Variants in WWC2 observed in about 807,000 individuals in gnomAD.
The protein encoded by WWC2 is protein WWC2.
Under a neutral mutation model 138.5 loss-of-function variants are expected in WWC2, and 101 were observed. The ratio of observed to expected loss-of-function variants is 0.73; its 90% CI spans 0.62 to 0.86. The LOEUF is 0.86. WWC2 is among the 40% of genes least tolerant of loss of function. The pLI, the probability that WWC2 is intolerant of heterozygous loss-of-function variation, is 0.00. For synonymous variants in WWC2, 558 were observed against 538.4 expected (o/e 1.04, Z -0.50); for missense variants, 1,420 against 1,419.4 (o/e 1.00, Z -0.01).
In WWC2 at chr4:183,289,560, G is replaced by C; in HGVS notation, c.3309G>C (p.Gln1103His). The change falls in exon 21 of 23, where the codon CAG (glutamine) becomes CAC (histidine). Residue 1103 changes from glutamine to histidine, a missense_variant. Physicochemically the swap from Gln to His is conservative, Grantham distance 24. Transcript: ENST00000403733. ...LRQKLEELKA[Q>H]GETDLPPGVL... ...AGAAGCTGGAGGAACTGAAAGCTCA[G>C]GGAGAGACTGACCTTCCACCAGGCG... 6.2e-7 allele frequency: 1 copy of C among 1,613,984 alleles called. No individual in the cohort carries two copies. The highest frequency in any genetic ancestry group is 8.5e-7 in the Non-Finnish European group (1 of 1,179,886).
Position 183,253,972 on chromosome 4 carries a change from G to T in WWC2, c.1169G>T (p.Gly390Val). 1 of 1,613,772 alleles carries T rather than the reference G, an allele frequency of 6.2e-7. No individual in the cohort carries two copies. The highest frequency in any genetic ancestry group is 8.5e-7 in the Non-Finnish European group (1 of 1,179,820). ...GAAGAAGAGTTGCTGTCTGTGAGGG[G>T]AACACCAAGCAGAGCTCTGGCCGAG... ...RLEEELLSVR[G>V]TPSRALAERL... is the part of the protein sequence containing the mutation. The change falls in exon 9 of 23, where the codon GGA (glycine) becomes GTA (valine). Residue 390 changes from glycine (G) to valine (V), a missense_variant. Coordinates refer to ENST00000403733, the MANE Select transcript of WWC2 (RefSeq NM_024949.6).
intron 1 of WWC2, among the ~76,000 whole-genome samples, chr4:183,187,488 G>T (rs1734841718): frequency 6.6e-6 from 1 of 151,274 alleles, no homozygotes; most frequent in Admixed American, 6.6e-5. Flanking sequence ...GGGAGGCGGA[G>T]GTTGCAATGA....
At chr4:183,228,116 A>C (rs1285387475) in intron 4 of WWC2, among the ~76,000 whole-genome samples, 2 of 152,098 alleles carry the variant, frequency 1.3e-5, no homozygotes, top group Non-Finnish European at 2.9e-5. Flanking sequence ...AAGGACGGGA[A>C]GAAAAAGATA....
Position 183,279,376 on chromosome 4 carries a change from G to T in WWC2, c.2563-1400G>T, listed in dbSNP as rs1446348947. Among the ~76,000 whole-genome samples, 5 of 151,932 alleles carry T rather than the reference G, an allele frequency of 3.3e-5. No individual in the cohort carries two copies. In the East Asian group the frequency reaches 9.7e-4, roughly 29 times the overall value. On this transcript the variant is annotated intron_variant, in intron 16 of 22. Coordinates refer to ENST00000403733, the MANE Select transcript of WWC2 (RefSeq NM_024949.6). Reference sequence around the variant, plus strand: ...TTTGATGTGCTGCTGGATTCGTTTTGCCAGTATTTTATTGAGGATTTTTGG... The same window carrying T: ...TTTGATGTGCTGCTGGATTCGTTTTTCCAGTATTTTATTGAGGATTTTTGG...
At chr4:183,279,616 T>C (rs373975606) in intron 16 of WWC2, among the ~76,000 whole-genome samples, 12 of 152,080 alleles carry the variant, frequency 7.9e-5, no homozygotes, top group African/African-American at 2.9e-4. Flanking sequence ...TGGACTCTTT[T>C]TGGTTGGTAA....
intron 1 of WWC2, among the ~76,000 whole-genome samples, chr4:183,162,919 G>A (rs868681182): frequency 5.9e-5 from 9 of 152,112 alleles, no homozygotes; most frequent in African/African-American, 1.9e-4. Flanking sequence ...TCCAAGAAGT[G>A]CCTTTATTTC....
At chr4:183,263,368 C>G (rs1737397745) in intron 11 of WWC2, among the ~76,000 whole-genome samples, 2 of 152,170 alleles carry the variant, frequency 1.3e-5, no homozygotes, top group Admixed American at 1.3e-4. Context: ...TCTGGGAGTC[C>G]TGTCTTGCAA....
chr4:183,315,631 A>G (rs760006996), intron 22 of WWC2, 32 bp from the exon 23 acceptor site: 10 of 1,576,180 alleles, frequency 6.3e-6, no homozygotes, highest in African/African-American at 4.1e-5. Flanking sequence ...AGCATCATAT[A>G]TAAGTCAATT....
chr4:183,235,030 AAAC>A (rs1736373166), intron 4 of WWC2, among the ~76,000 whole-genome samples: 1 of 152,234 alleles, frequency 6.6e-6, no homozygotes, highest in Non-Finnish European at 1.5e-5. Context: ...GATAAAACCA[AAAC>A]AACTAGAAAT....
chr4:183,204,147 G>A (rs1169117593), intron 2 of WWC2, among the ~76,000 whole-genome samples: 2 of 152,200 alleles, frequency 1.3e-5, no homozygotes, highest in African/African-American at 4.8e-5. Flanking sequence ...GATTGTGGTG[G>A]CTCTAAAGTA....
intron 1 of WWC2, among the ~76,000 whole-genome samples, chr4:183,151,546 A>G (rs1457800999): frequency 6.6e-6 from 1 of 152,146 alleles, no homozygotes. Context: ...TAGTTTAGTT[A>G]GATCCCGTTT....
At chr4:183,117,656 G>C (rs114361856) in intron 1 of WWC2, among the ~76,000 whole-genome samples, 1 of 150,820 alleles carries the variant, frequency 6.6e-6, no homozygotes, top group Non-Finnish European at 1.5e-5. Context: ...ACTGAGACAA[G>C]GTCTCATCTC....
chr4:183,280,863 G>A lies in WWC2; in HGVS notation c.2650G>A (p.Gly884Arg). The A allele has an allele frequency of 6.3e-7, 1 of 1,585,258 alleles. No individual in the cohort carries two copies. Among genetic ancestry groups the A allele is most frequent in the African/African-American group, 1.3e-5 (1 of 74,564 alleles). Residue 884 changes from glycine (G) to arginine (R), a missense_variant, in exon 17 of 23, where the codon GGA becomes AGA. Gly to Arg is a moderately radical substitution (Grantham distance 125). Coordinates refer to ENST00000403733, the MANE Select transcript of WWC2 (RefSeq NM_024949.6). Reference sequence around the variant, plus strand: ...AGCACAAGAAGAAGAAGAAGAATCAGGACAAGAAGAGCCAAGGGGCCCAGA... The same window carrying A: ...AGCACAAGAAGAAGAAGAAGAATCAAGACAAGAAGAGCCAAGGGGCCCAGA... ...ELAQEEEEES[G>R]QEEPRGPDGD...
intron 4 of WWC2, among the ~76,000 whole-genome samples, chr4:183,231,051 A>G (rs1736230418): frequency 1.3e-5 from 2 of 152,168 alleles, no homozygotes; most frequent in Admixed American, 1.3e-4. Context: ...ACAAGATTGT[A>G]TGAACAAAAT....
intron 14 of WWC2, 25 bp from the exon 15 acceptor site, chr4:183,268,945 AT>A: frequency 5.0e-6 from 8 of 1,587,196 alleles, no homozygotes; most frequent in Non-Finnish European, 6.9e-6. Flanking sequence ...TACCTATGAA[AT>A]CCATTTTATT....
At chr4:183,225,733 T>C (rs138354731) in intron 4 of WWC2, among the ~76,000 whole-genome samples, 1,536 of 152,366 alleles carry the variant, frequency 0.01, 8 homozygotes, top group Non-Finnish European at 0.015. Context: ...ACACAAGTGA[T>C]GTAGCAGAGA....
intron 1 of WWC2, among the ~76,000 whole-genome samples, chr4:183,163,766 T>C (rs1465081595): frequency 6.6e-6 from 1 of 152,148 alleles, no homozygotes; most frequent in Admixed American, 6.6e-5. Flanking sequence ...GTTTCAATTT[T>C]GTGAAGAGAT....
chr4:183,244,213 C>T (rs1321637070), intron 5 of WWC2, among the ~76,000 whole-genome samples: 2 of 152,092 alleles, frequency 1.3e-5, no homozygotes, highest in African/African-American at 2.4e-5. Context: ...AAGGAGAACT[C>T]GTGCAGTATT....
intron 8 of WWC2, among the ~76,000 whole-genome samples, chr4:183,252,456 A>G (rs1230325141): frequency 3.3e-5 from 5 of 152,220 alleles, no homozygotes; most frequent in African/African-American, 1.2e-4. Flanking sequence ...GGACATTCGT[A>G]CTGAGTCGGG....
Sources: gnomAD v4.1 joint callset for allele counts (sites outside exome capture counted in the v4.1 genomes callset) on GRCh38, gnomAD v4.1.1 for gene constraint, MANE v1.5 for transcripts, NCBI Gene and HGNC (gene_info 2026-07-23, HGNC 2026-07-21) for gene names.